PCDHGA9: variants seen among roughly 807,000 people sequenced by gnomAD.
The protein encoded by PCDHGA9 is protocadherin gamma subfamily A, 9.
PCDHGA9 carries 37 observed loss-of-function variants against 62.5 expected under a neutral mutation model. That is an observed-to-expected ratio of 0.59 (90% CI 0.46 to 0.78). The LOEUF (loss-of-function observed/expected upper bound fraction) is 0.78. Ranked by LOEUF, PCDHGA9 falls within the 30% of genes least tolerant of loss-of-function variation. The pLI is 0.00. For missense variants in PCDHGA9, 1,138 were observed against 1,166.2 expected, an observed-to-expected ratio of 0.98 and a Z score of 0.35; for synonymous variants, 459 against 484.6, an observed-to-expected ratio of 0.95 and a Z score of 0.69.
chr5:141,413,906 C>G, intron 1 of PCDHGA9: 1 of 1,613,310 alleles, frequency 6.2e-7, no homozygotes. Context: ...GACAACGCGC[C>G]GGTCTTCACC....
At chr5:141,419,667 G>T in intron 1 of PCDHGA9, 1 of 1,612,894 alleles carries the variant, frequency 6.2e-7, no homozygotes, top group South Asian at 1.1e-5. Flanking sequence ...CACAATGCCT[G>T]GCTGTCCTAC....
In PCDHGA9 at chr5:141,485,089, G is replaced by C; in HGVS notation, c.2425-9718G>C. 9.7e-7 allele frequency: 1 copy of C among 1,027,236 alleles called. No individual in the cohort carries two copies. The highest frequency in any genetic ancestry group is 1.5e-6 in the Non-Finnish European group (1 of 674,564). The allele number at this position is 1,027,236 out of a possible 1,614,324, so 63.6% of individuals were successfully genotyped here. On this transcript the variant is annotated intron_variant, in intron 1 of 3. Coordinates refer to ENST00000573521, the MANE Select transcript of PCDHGA9 (RefSeq NM_018921.3). This position sits in a 1 kb window ranked among gnomAD's most constrained non-coding sequence, Gnocchi z 5.7. ...GAGCTGGCGCGGGGAAAGGGAGATA[G>C]GTGTCTCCAGCTGCTGTGGCTGTTT... is the stretch of plus-strand genomic sequence containing the variant.
chr5:141,434,209 A>G (rs946478332), intron 1 of PCDHGA9, among the ~76,000 whole-genome samples: 17 of 152,216 alleles, frequency 1.1e-4, no homozygotes, highest in African/African-American at 4.1e-4. Flanking sequence ...TACTTCTGTC[A>G]GTGTAAACAA....
At chr5:141,421,489 G>T (rs754141447) in intron 1 of PCDHGA9, 9 of 1,614,094 alleles carry the variant, frequency 5.6e-6, no homozygotes, top group Non-Finnish European at 7.6e-6. Context: ...CTTGATCACG[G>T]CAGGCAGGAT....
chr5:141,503,960 T>TTC (rs2099834474), intron 2 of PCDHGA9, among the ~76,000 whole-genome samples: 1 of 152,172 alleles, frequency 6.6e-6, no homozygotes, highest in Admixed American at 6.5e-5. Flanking sequence ...CCTACAGCCT[T>TTC]TCCCATGGTG....
chr5:141,405,327 G>A lies in PCDHGA9; in HGVS notation c.2375G>A (p.Cys792Tyr). ...QQSCEKNEPL[C>Y]VSVDSKFPIE... is the part of the protein sequence containing the mutation. ...AGCTGTGAGAAAAATGAGCCTTTGT[G>A]CGTCTCTGTTGATTCCAAGTTTCCT... Residue 792 changes from cysteine (C) to tyrosine (Y), a missense_variant, in exon 1 of 4, where the codon TGC becomes TAC. Physicochemically the swap from Cys to Tyr is radical, Grantham distance 194 (BLOSUM62 -2). Coordinates refer to ENST00000573521, the MANE Select transcript of PCDHGA9 (RefSeq NM_018921.3). 6.2e-7 allele frequency: 1 copy of A among 1,614,166 alleles called. No homozygotes were observed.
Position 141,511,313 on chromosome 5 carries a change from C to T in PCDHGA9, c.*140C>T. ...CCAAGGCCATGCTCCCCTTGGGAAA[C>T]AGAAACAAGTGCCCAGTCAGCACCT... On this transcript the variant is annotated 3_prime_UTR_variant, in exon 4 of 4. Transcript: ENST00000573521. 2 of 1,482,944 alleles carry T rather than the reference C, an allele frequency of 1.3e-6. No homozygotes were observed. The highest frequency in any genetic ancestry group is 2.3e-5 in the Admixed American group (1 of 43,596). 91.9% of individuals were successfully genotyped at this position (1,482,944 alleles called of 1,614,324 possible).
chr5:141,436,277 T>G (rs2097806022), intron 1 of PCDHGA9, among the ~76,000 whole-genome samples: 1 of 152,194 alleles, frequency 6.6e-6, no homozygotes, highest in Non-Finnish European at 1.5e-5. Flanking sequence ...TAACTTGATT[T>G]AGGAACAAAT....
rs780380650 is a variant in PCDHGA9 at position 141,432,715 on chromosome 5, C to G, written c.2424+27339C>G. 2.5e-6 allele frequency: 4 copies of G among 1,613,996 alleles called. No homozygotes were observed. Among genetic ancestry groups the G allele is most frequent in the Non-Finnish European group, 3.4e-6 (4 of 1,179,970 alleles). On this transcript the variant is annotated intron_variant, in intron 1 of 3. Transcript: ENST00000573521. The surrounding 1 kb of genome is among the most constrained non-coding windows in gnomAD (Gnocchi z 6.0). ...TGGCCGTCCAGGACCACGGCCAGCC[C>G]CCTCTCTCCGCCACTGTCACGCTCA... is the stretch of plus-strand genomic sequence containing the variant.
intron 1 of PCDHGA9, among the ~76,000 whole-genome samples, chr5:141,445,248 T>C (rs1264046214): frequency 6.6e-6 from 1 of 152,224 alleles, no homozygotes; most frequent in African/African-American, 2.4e-5. Flanking sequence ...CACTATATTG[T>C]GTGAGAATAT....
intron 1 of PCDHGA9, chr5:141,428,910 A>C (rs956124609): frequency 1.3e-5 from 2 of 151,302 alleles, no homozygotes; most frequent in Non-Finnish European, 2.9e-5. Context: ...GCTGGAGTGC[A>C]GTGGCATGAT....
chr5:141,413,762 C>T (rs538764130), intron 1 of PCDHGA9: 3 of 1,612,894 alleles, frequency 1.9e-6, no homozygotes, highest in Admixed American at 1.7e-5. Flanking sequence ...GTCAAGTACC[C>T]GGAGCTGGTA....
At chr5:141,448,748 G>A (rs1476665217) in intron 1 of PCDHGA9, among the ~76,000 whole-genome samples, 1 of 151,980 alleles carries the variant, frequency 6.6e-6, no homozygotes, top group Admixed American at 6.6e-5. Context: ...AGACCATCCT[G>A]GCTAACACGG....
At chr5:141,425,353 T>C (rs868017955) in intron 1 of PCDHGA9, among the ~76,000 whole-genome samples, 2 of 152,296 alleles carry the variant, frequency 1.3e-5, no homozygotes, top group Middle Eastern at 3.4e-3. Context: ...CTTTGAAATG[T>C]GATATTAAGA....
intron 1 of PCDHGA9, chr5:141,407,989 T>C: frequency 1.2e-6 from 1 of 833,618 alleles, no homozygotes; most frequent in Non-Finnish European, 1.8e-6. Context: ...TCCGTCAGCC[T>C]CTGGCCTGGG....
intron 2 of PCDHGA9, among the ~76,000 whole-genome samples, chr5:141,497,781 C>T (rs2099779421): frequency 1.3e-5 from 2 of 152,192 alleles, no homozygotes; most frequent in African/African-American, 4.8e-5. Flanking sequence ...CTCAACTGAT[C>T]CACCTGCTTC....
At chr5:141,448,150 C>T (rs1182411283) in intron 1 of PCDHGA9, among the ~76,000 whole-genome samples, 4 of 151,924 alleles carry the variant, frequency 2.6e-5, no homozygotes, top group Non-Finnish European at 5.9e-5. Flanking sequence ...CTCAGACTCA[C>T]CCCTGAAAGA....
In PCDHGA9 at chr5:141,491,797, G is replaced by T. The variant is rs537755017; in HGVS notation, c.2425-3010G>T. The stretch of plus-strand genomic sequence containing the variant: ...ATTGAACTTGCATCCACTCCTCTCC[G>T]GCCGGCTTGGTCGCTGGCTGCGCTC... On this transcript the variant is annotated intron_variant, in intron 1 of 3. Coordinates refer to ENST00000573521, the MANE Select transcript of PCDHGA9 (RefSeq NM_018921.3). The surrounding 1 kb of genome is among the most constrained non-coding windows in gnomAD (Gnocchi z 6.9). 2.0e-6 allele frequency: 3 copies of T among 1,506,818 alleles called. No homozygotes were observed. The highest frequency in any genetic ancestry group is 2.4e-5 in the Admixed American group (1 of 41,734). 93.3% of individuals were successfully genotyped at this position (1,506,818 alleles called of 1,614,324 possible). A position where few individuals can be genotyped will look rare whatever the true frequency, so the allele number is the denominator to read the frequency against.
intron 1 of PCDHGA9, among the ~76,000 whole-genome samples, chr5:141,442,913 AACT>A (rs1163578304): frequency 6.6e-6 from 1 of 152,214 alleles, no homozygotes. Flanking sequence ...TTCAGCACAC[AACT>A]GTTTCATTTT....
Sources: allele counts gnomAD v4.1 joint callset (sites outside exome capture counted in the v4.1 genomes callset), GRCh38; gene constraint gnomAD v4.1.1; non-coding constraint Gnocchi (gnomAD v3.1); transcripts MANE v1.5; gene names NCBI Gene and HGNC (gene_info 2026-07-23, HGNC 2026-07-21).